The following FRMD4A variants were observed in gnomAD, a reference collection of about 807,000 sequenced individuals.
FRMD4A encodes the protein FERM domain containing 4A.
In FRMD4A, 29 loss-of-function variants were observed where a neutral mutation model predicts 129.1. The ratio of observed to expected loss-of-function variants is 0.22; its 90% CI spans 0.17 to 0.31. The LOEUF is 0.31. Ranked by LOEUF, FRMD4A falls within the 10% of genes least tolerant of loss-of-function variation. The pLI is 1.00. For missense variants in FRMD4A, 1,272 were observed against 1,375.8 expected, an observed-to-expected ratio of 0.92 and a Z score of 1.19; for synonymous variants, 634 against 571.6, an observed-to-expected ratio of 1.11 and a Z score of -1.56.
chr10:14,147,503 G>A (rs138668468), intron 2 of FRMD4A, among the ~76,000 whole-genome samples: 249 of 152,024 alleles, frequency 1.6e-3, no homozygotes, highest in African/African-American at 4.7e-3. Flanking sequence ...TATACAACTC[G>A]CCATAATGTA....
chr10:14,226,251 G>A (rs562332336), intron 2 of FRMD4A, among the ~76,000 whole-genome samples: 5 of 152,264 alleles, frequency 3.3e-5, no homozygotes, highest in East Asian at 3.9e-4. Context: ...TTCCCTGGGT[G>A]TGAGTTATGT....
chr10:14,322,281 C>T (rs1218435), intron 2 of FRMD4A, among the ~76,000 whole-genome samples: 1 of 151,704 alleles, frequency 6.6e-6, no homozygotes, highest in African/African-American at 2.4e-5. Flanking sequence ...AGGTAGATGA[C>T]AGAAAGCAAG....
intron 2 of FRMD4A, among the ~76,000 whole-genome samples, chr10:13,954,321 C>T (rs904174597): frequency 6.6e-6 from 1 of 152,140 alleles, no homozygotes; most frequent in Non-Finnish European, 1.5e-5. Context: ...GCTGGGGAGG[C>T]CTCACAATCA....
At chr10:14,099,497 A>G (rs1247792378) in intron 2 of FRMD4A, among the ~76,000 whole-genome samples, 1 of 152,186 alleles carries the variant, frequency 6.6e-6, no homozygotes, top group African/African-American at 2.4e-5. Flanking sequence ...CTATGTCCAA[A>G]TCCAGGCATG....
intron 2 of FRMD4A, among the ~76,000 whole-genome samples, chr10:14,229,972 A>C (rs1843580885): frequency 6.6e-6 from 1 of 152,214 alleles, no homozygotes; most frequent in African/African-American, 2.4e-5. Flanking sequence ...GAATTGGTGG[A>C]AAATCCAATT....
chr10:13,833,606 CA>C (rs2093824497), intron 3 of FRMD4A, among the ~76,000 whole-genome samples: 1 of 152,038 alleles, frequency 6.6e-6, no homozygotes, highest in South Asian at 2.1e-4. Context: ...TGGCTTCAGG[CA>C]GGTTAAATGA....
chr10:13,917,947 G>A (rs2095028943), intron 2 of FRMD4A, among the ~76,000 whole-genome samples: 2 of 152,132 alleles, frequency 1.3e-5, no homozygotes, highest in African/African-American at 4.8e-5. Context: ...GATGTGGTGT[G>A]GGCAAGCGCA....
intron 2 of FRMD4A, among the ~76,000 whole-genome samples, chr10:14,012,671 G>A (rs568080437): frequency 6.6e-6 from 1 of 152,298 alleles, no homozygotes; most frequent in South Asian, 2.1e-4. Context: ...GAAAAGCCAC[G>A]TGAAGGGTAA....
At chr10:14,077,778 A>G (rs1324918265) in intron 2 of FRMD4A, among the ~76,000 whole-genome samples, 2 of 152,208 alleles carry the variant, frequency 1.3e-5, no homozygotes, top group African/African-American at 4.8e-5. Context: ...GGAGGATTAT[A>G]TAATTGAATT....
intron 2 of FRMD4A, among the ~76,000 whole-genome samples, chr10:14,162,272 C>T (rs907290880): frequency 6.6e-6 from 1 of 152,126 alleles, no homozygotes; most frequent in African/African-American, 2.4e-5. Context: ...TTGGCCCCAC[C>T]CAAGAAGCCA....
intron 2 of FRMD4A, among the ~76,000 whole-genome samples, chr10:13,953,477 T>C (rs2095387676): frequency 1.3e-5 from 2 of 152,198 alleles, no homozygotes; most frequent in South Asian, 2.1e-4. Context: ...AAATTGCATG[T>C]CATTCTGAAT....
chr10:13,834,169 C>A (rs113424117), intron 3 of FRMD4A, among the ~76,000 whole-genome samples: 27,948 of 152,034 alleles, frequency 0.18, 2,861 homozygotes, highest in South Asian at 0.33. Context: ...GAGGCTGAGG[C>A]AGGAGAATCG....
At chr10:13,811,743 T>C (rs2093449958) in intron 3 of FRMD4A, among the ~76,000 whole-genome samples, 1 of 152,128 alleles carries the variant, frequency 6.6e-6, no homozygotes, top group Non-Finnish European at 1.5e-5. Flanking sequence ...GGCTGTCTGA[T>C]GCGGAAACAG....
At chr10:13,826,665 A>G (rs539608205) in intron 3 of FRMD4A, among the ~76,000 whole-genome samples, 83 of 152,244 alleles carry the variant, frequency 5.5e-4, no homozygotes, top group African/African-American at 1.9e-3. Context: ...TGGCAGGTGC[A>G]TGTTAGAGAG....
chr10:14,153,860 C>T (rs537727739), intron 2 of FRMD4A, among the ~76,000 whole-genome samples: 1 of 152,166 alleles, frequency 6.6e-6, no homozygotes, highest in Non-Finnish European at 1.5e-5. Context: ...ATCAATCAAT[C>T]GTTCTTTCCT....
At chr10:14,065,093 C>T (rs900705234) in intron 2 of FRMD4A, among the ~76,000 whole-genome samples, 1 of 152,182 alleles carries the variant, frequency 6.6e-6, no homozygotes, top group African/African-American at 2.4e-5. Context: ...TGGGGTCCTT[C>T]TTCACACCCA....
intron 3 of FRMD4A, among the ~76,000 whole-genome samples, chr10:13,823,918 G>A (rs1211096169): frequency 6.6e-6 from 1 of 152,216 alleles, no homozygotes; most frequent in Non-Finnish European, 1.5e-5. Flanking sequence ...CAGTGTAACG[G>A]ACGGAAGGTG....
intron 6 of FRMD4A, among the ~76,000 whole-genome samples, chr10:13,777,056 G>T (rs72769572): frequency 0.018 from 2,774 of 152,366 alleles, 25 homozygotes; most frequent in Middle Eastern, 0.078. Context: ...GGAAAGGGAA[G>T]CTTGGAGACG....
chr10:14,284,711 TA>T (rs1178598782), intron 2 of FRMD4A, among the ~76,000 whole-genome samples: 1 of 152,136 alleles, frequency 6.6e-6, no homozygotes, highest in African/African-American at 2.4e-5. Context: ...CTCTCAGCAA[TA>T]AAATATAAGT....
Sources: allele counts gnomAD v4.1 joint callset (sites outside exome capture counted in the v4.1 genomes callset), GRCh38; gene constraint gnomAD v4.1.1; transcripts MANE v1.5; gene names NCBI Gene and HGNC (gene_info 2026-07-23, HGNC 2026-07-21).